The following WHAMM variants were observed in gnomAD, a reference collection of about 807,000 sequenced individuals.
WHAMM encodes WASP homolog-associated protein with actin, membranes and microtubules.
In WHAMM, 67 loss-of-function variants were observed where a neutral mutation model predicts 76.5. The observed-to-expected ratio is 0.88, with a 90% CI of 0.72 to 1.07. The LOEUF (loss-of-function observed/expected upper bound fraction) is 1.07, where lower values mean the gene tolerates loss of function less well. Among genes scored for constraint, WHAMM ranks in the 50% least tolerant of loss-of-function variants. The pLI, the probability that WHAMM is intolerant of heterozygous loss-of-function variation, is 0.00. For synonymous variants in WHAMM, 419 were observed against 422.1 expected (o/e 0.99, Z 0.09); for missense variants, 1,021 against 1,051.1 (o/e 0.97, Z 0.40).
In WHAMM at chr15:82,819,508, A is replaced by G. The variant is rs2050784032; in HGVS notation, c.1270+20A>G. On this transcript the variant is annotated intron_variant, in intron 5 of 9. Coordinates refer to ENST00000286760, the MANE Select transcript of WHAMM (RefSeq NM_001080435.3). The stretch of plus-strand genomic sequence containing the variant: ...TAAAAGGTAAAATTTAAGTATATAG[A>G]TTGCAATGTTTAAATTATAAATTTA... 8.9e-7 allele frequency: 1 copy of G among 1,126,892 alleles called. No homozygotes were observed. Among genetic ancestry groups the G allele is most frequent in the South Asian group, 1.8e-5 (1 of 56,032 alleles). The allele number at this position is 1,126,892 out of a possible 1,614,324, so 69.8% of individuals were successfully genotyped here.
At chr15:82,828,622 A>G (rs537290340) in intron 8 of WHAMM, among the ~76,000 whole-genome samples, 24 of 152,228 alleles carry the variant, frequency 1.6e-4, no homozygotes, top group Non-Finnish European at 2.9e-4. Flanking sequence ...TTGTTTGGCA[A>G]TACAGAAGAT....
At position 82,833,758 on chromosome 15, in the gene WHAMM, C is replaced by T. The variant is rs982824071; in HGVS notation, c.*222C>T. 20 of 531,792 alleles carry T rather than the reference C, an allele frequency of 3.8e-5. No individual in the cohort carries two copies. Among genetic ancestry groups the T allele is most frequent in the South Asian group, 9.5e-5 (4 of 42,066 alleles). The allele number at this position is 531,792 out of a possible 1,614,324, so 32.9% of individuals were successfully genotyped here. ...AGGCTGGGGTGCAGTGGCGCCATCT[C>T]GGCTCACCGCAAGCTCCGCTTCCCA... On this transcript the variant is annotated 3_prime_UTR_variant, in exon 10 of 10. Transcript: ENST00000286760.
In WHAMM at chr15:82,823,267, G is replaced by C; in HGVS notation, c.1438G>C (p.Ala480Pro). ...SKRGRICAKR[A>P]SLRSRKDQCK... ...ACGGGGCAGGATCTGTGCCAAAAGAGCCTCTCTCCGGAGTAGAAAGGTAGG... is the reference window on the plus strand; with the variant it reads ...ACGGGGCAGGATCTGTGCCAAAAGACCCTCTCTCCGGAGTAGAAAGGTAGG... The change falls in exon 6 of 10, where the codon GCC becomes CCC. Residue 480 changes from alanine (A) to proline (P), a missense_variant. Transcript: ENST00000286760. 6.5e-7 allele frequency: 1 copy of C among 1,530,508 alleles called. No individual in the cohort carries two copies. Among genetic ancestry groups the C allele is most frequent in the Non-Finnish European group, 8.8e-7 (1 of 1,134,476 alleles). 94.8% of individuals were successfully genotyped at this position (1,530,508 alleles called of 1,614,324 possible). A position where few individuals can be genotyped will look rare whatever the true frequency, so the allele number is the denominator to read the frequency against.
intron 5 of WHAMM, among the ~76,000 whole-genome samples, chr15:82,822,302 T>C (rs1168087038): frequency 1.3e-5 from 2 of 152,190 alleles, no homozygotes; most frequent in Non-Finnish European, 2.9e-5. Flanking sequence ...AAGGAAGTGA[T>C]AAAAAGTGTA....
intron 5 of WHAMM, among the ~76,000 whole-genome samples, chr15:82,820,137 T>G (rs1405221897): frequency 2.6e-5 from 4 of 152,326 alleles, no homozygotes; most frequent in African/African-American, 7.2e-5. Flanking sequence ...ATATAACCAG[T>G]TCAGTAACAT....
Position 82,834,084 on chromosome 15 carries a change from C to T in WHAMM, c.*548C>T, listed in dbSNP as rs2051089323. 6.5e-6 allele frequency: 1 copy of T among 153,898 alleles called. No homozygotes were observed. The highest frequency in any genetic ancestry group is 2.0e-4 in the South Asian group (1 of 4,964). 9.5% of individuals were successfully genotyped at this position (153,898 alleles called of 1,614,324 possible). A position where few individuals can be genotyped will look rare whatever the true frequency, so the allele number is the denominator to read the frequency against. On this transcript the variant is annotated 3_prime_UTR_variant, in exon 10 of 10. Transcript: ENST00000286760. Reference sequence around the variant, plus strand: ...AGACAGAATCTCTCTGTCATCCAGGCTAGAGTGCAGTGGCACGATCTTGGC... The same window carrying T: ...AGACAGAATCTCTCTGTCATCCAGGTTAGAGTGCAGTGGCACGATCTTGGC...
chr15:82,811,693 A>G (rs1190828613), intron 1 of WHAMM, among the ~76,000 whole-genome samples: 1 of 152,242 alleles, frequency 6.6e-6, no homozygotes, highest in Admixed American at 6.5e-5. Context: ...TTCTAGAATT[A>G]GACCAATTGC....
At chr15:82,831,131 A>G in intron 9 of WHAMM, 52 bp downstream of exon 9, 3 of 1,567,344 alleles carry the variant, frequency 1.9e-6, no homozygotes, top group Non-Finnish European at 2.6e-6. Context: ...AAGCTGTTGA[A>G]GCATTCTAGC....
At position 82,830,815 on chromosome 15, in the gene WHAMM, G is replaced by T. The variant is rs1209891319; in HGVS notation, c.1858G>T (p.Val620Phe). The T allele has an allele frequency of 6.2e-7, 1 of 1,608,836 alleles. No individual in the cohort carries two copies. Among genetic ancestry groups the T allele is most frequent in the Non-Finnish European group, 8.5e-7 (1 of 1,177,160 alleles). Residue 620 changes from valine (V) to phenylalanine (F), a missense_variant, in exon 9 of 10, where the codon GTT becomes TTT. Val to Phe is a conservative substitution (Grantham distance 50, BLOSUM62 -1). Transcript: ENST00000286760. ...CTGTCATGGAAATATCCCTGTCCAG[G>T]TTTTTGTTCCAGTTGGTGATCAAAC... ...QNCHGNIPVQ[V>F]FVPVGDQTHS...
intron 2 of WHAMM, among the ~76,000 whole-genome samples, chr15:82,814,671 C>T (rs1459611624): frequency 5.3e-5 from 8 of 151,228 alleles, no homozygotes; most frequent in South Asian, 2.1e-4. Flanking sequence ...AGGCTGGTCT[C>T]GAACTCCCGA....
chr15:82,833,696 T>C lies in WHAMM; in HGVS notation c.*160T>C, dbSNP rs1567001049. On this transcript the variant is annotated 3_prime_UTR_variant, in exon 10 of 10. Coordinates refer to ENST00000286760, the MANE Select transcript of WHAMM (RefSeq NM_001080435.3). ...GTAGGCTGCTGCAGCATTTTTTTTT[T>C]TTTTCTTTTTTGAGATGGAGTCTCA... 12 of 811,442 alleles carry C rather than the reference T, an allele frequency of 1.5e-5. No individual in the cohort carries two copies. Among genetic ancestry groups the C allele is most frequent in the Non-Finnish European group, 9.3e-6 (5 of 535,214 alleles). The allele number at this position is 811,442 out of a possible 1,614,324, so 50.3% of individuals were successfully genotyped here.
At chr15:82,828,816 C>T (rs1029129502) in intron 8 of WHAMM, among the ~76,000 whole-genome samples, 12 of 152,170 alleles carry the variant, frequency 7.9e-5, no homozygotes, top group African/African-American at 2.4e-5. Flanking sequence ...TATGCACTTG[C>T]ATGGGGTGAT....
chr15:82,816,213 T>C (rs996413607), intron 2 of WHAMM, among the ~76,000 whole-genome samples: 2 of 152,166 alleles, frequency 1.3e-5, no homozygotes, highest in African/African-American at 2.4e-5. Context: ...CATATGCATT[T>C]TGGGGGGAGT....
chr15:82,816,707 G>C lies in WHAMM; in HGVS notation c.799G>C (p.Asp267His). 6.4e-7 allele frequency: 1 copy of C among 1,554,632 alleles called. No individual in the cohort carries two copies. Among genetic ancestry groups the C allele is most frequent in the Non-Finnish European group, 8.7e-7 (1 of 1,148,420 alleles). Residue 267 changes from aspartate (D) to histidine (H), a missense_variant, in exon 3 of 10, where the codon GAT (aspartate) becomes CAT (histidine). Physicochemically the swap from Asp to His is moderately conservative, Grantham distance 81. Around this residue, in one of 3 missense-constraint regions of WHAMM, gnomAD observed 501 missense variants for 524.9 expected, o/e 0.95. Coordinates refer to ENST00000286760, the MANE Select transcript of WHAMM (RefSeq NM_001080435.3). ...KLDILKSLDE[D>H]DLGPRRVVAL... ...CTGTCTGTAGAAGTCTTTGGATGAG[G>C]ATGACCTAGGTCCTAGAAGGGTAGT...
chr15:82,818,087 A>G lies in WHAMM; in HGVS notation c.1102A>G (p.Lys368Glu). ...TCACAAAAGAGCTGAAATTCAGGGA[A>G]AGGTAAGACAAAGATAAACATAACT... ...LNHKRAEIQG[K>E]MEDLPEQEKN... Residue 368 changes from lysine (K) to glutamate (E), a missense_variant and splice_region_variant, in exon 4 of 10, where the codon AAG becomes GAG. Physicochemically the swap from Lys to Glu is moderately conservative, Grantham distance 56. Transcript: ENST00000286760. The G allele has an allele frequency of 1.9e-6, 3 of 1,541,620 alleles. No homozygotes were observed. The highest frequency in any genetic ancestry group is 1.2e-5 in the South Asian group (1 of 82,614).
intron 2 of WHAMM, among the ~76,000 whole-genome samples, chr15:82,815,276 A>G (rs1181869787): frequency 6.6e-6 from 1 of 151,212 alleles, no homozygotes; most frequent in African/African-American, 2.4e-5. Context: ...ACCCTGGGCA[A>G]CCACCAATCT....
At position 82,826,859 on chromosome 15, in the gene WHAMM, A is replaced by ATGCTACGGCG; in HGVS notation, c.1641+13_1641+14insTGCTACGGCG. 1 of 1,479,008 alleles carries ATGCTACGGCG rather than the reference A, an allele frequency of 6.8e-7. No homozygotes were observed. Among genetic ancestry groups the ATGCTACGGCG allele is most frequent in the South Asian group, 1.4e-5 (1 of 72,248 alleles). The allele number at this position is 1,479,008 out of a possible 1,614,324, so 91.6% of individuals were successfully genotyped here. On this transcript the variant is annotated intron_variant, in intron 8 of 9. Transcript: ENST00000286760. ...ATCATTTAAAGATGTAAGTTCTATA[A>ATGCTACGGCG]ACAATCACCTCATCTACACTTCTGG... is the stretch of plus-strand genomic sequence containing the variant.
At position 82,826,797 on chromosome 15, in the gene WHAMM, T is replaced by A. The variant is rs1194997498; in HGVS notation, c.1592T>A (p.Ile531Asn). The A allele has an allele frequency of 3.2e-6, 5 of 1,549,282 alleles. No homozygotes were observed. Among genetic ancestry groups the A allele is most frequent in the Non-Finnish European group, 4.4e-6 (5 of 1,146,936 alleles). ...KEEEQKKKEW[I>N]NQERQKTLQR... ...GAGGAGCAAAAGAAAAAAGAATGGATCAACCAAGAACGTCAAAAAACACTC... is the reference window on the plus strand; with the variant it reads ...GAGGAGCAAAAGAAAAAAGAATGGAACAACCAAGAACGTCAAAAAACACTC... Residue 531 changes from isoleucine to asparagine, a missense_variant, in exon 8 of 10, where the codon ATC becomes AAC. By Grantham distance (149) the Ile-to-Asn change is moderately radical. This residue lies in a region of WHAMM where 509 missense variants were observed against 492.3 expected (regional missense o/e 1.03). Transcript: ENST00000286760.
At position 82,834,119 on chromosome 15, in the gene WHAMM, C is replaced by A. The variant is rs918425343; in HGVS notation, c.*583C>A. 1 of 152,450 alleles carries A rather than the reference C, an allele frequency of 6.6e-6. No individual in the cohort carries two copies. Among genetic ancestry groups the A allele is most frequent in the Admixed American group, 6.5e-5 (1 of 15,288 alleles). 9.4% of individuals were successfully genotyped at this position (152,450 alleles called of 1,614,324 possible). A position where few individuals can be genotyped will look rare whatever the true frequency, so the allele number is the denominator to read the frequency against. The stretch of plus-strand genomic sequence containing the variant: ...GTGGCACGATCTTGGCTTACTGCAA[C>A]CTCCACCTCCCAGGTTCAAGCAATT... On this transcript the variant is annotated 3_prime_UTR_variant, in exon 10 of 10. Coordinates refer to ENST00000286760, the MANE Select transcript of WHAMM (RefSeq NM_001080435.3).
Sources: allele counts gnomAD v4.1 joint callset (sites outside exome capture counted in the v4.1 genomes callset), GRCh38; gene constraint gnomAD v4.1.1; regional missense constraint gnomAD v4.1.1; transcripts MANE v1.5; gene names NCBI Gene and HGNC (gene_info 2026-07-23, HGNC 2026-07-21).